Variants in ELAVL3 observed in about 807,000 individuals in gnomAD.
ELAVL3 encodes ELAV-like protein 3.
ELAVL3 carries 8 observed loss-of-function variants against 34.2 expected under a neutral mutation model. That is an observed-to-expected ratio of 0.23 (90% CI 0.14 to 0.42). The LOEUF (loss-of-function observed/expected upper bound fraction) is 0.42, where lower values mean the gene tolerates loss of function less well. ELAVL3 is among the 10% of genes least tolerant of loss of function. The pLI is 1.00. For synonymous variants in ELAVL3, 209 were observed against 222.1 expected (o/e 0.94, Z 0.53); for missense variants, 273 against 518.8 (o/e 0.53, Z 4.60).
chr19:11,458,564 C>A lies in ELAVL3; in HGVS notation c.381G>T (p.Leu127=). Residue 127 remains leucine, a synonymous_variant, in exon 4 of 7, where the codon CTG becomes CTT. Transcript: ENST00000359227. This position sits in a 1 kb window ranked among gnomAD's most constrained non-coding sequence, Gnocchi z 7.3. ...PSSASIRDAN[L]YVSGLPKTMS... ...TGGTCTTGGGGAGCCCGCTGACGTA[C>A]AGGTTAGCATCCCGGATGGATGCTG... The A allele has an allele frequency of 6.2e-7, 1 of 1,614,136 alleles. No homozygotes were observed. The highest frequency in any genetic ancestry group is 8.5e-7 in the Non-Finnish European group (1 of 1,180,034).
chr19:11,461,164 G>A (rs1970876017), intron 3 of ELAVL3, among the ~76,000 whole-genome samples: 1 of 151,660 alleles, frequency 6.6e-6, no homozygotes, highest in South Asian at 2.1e-4. Context: ...GGGCTACAGA[G>A]CAAGACCCTG....
In ELAVL3 at chr19:11,458,724, C is replaced by CT; in HGVS notation, c.334-114dup. ...GTTAGCAGAAGTGACCCATCCGTCA[C>CT]TCAATAAGTATCTCTAGAGTTGTCA... On this transcript the variant is annotated intron_variant, in intron 3 of 6. Coordinates refer to ENST00000359227, the MANE Select transcript of ELAVL3 (RefSeq NM_001420.4). The surrounding 1 kb of genome is among the most constrained non-coding windows in gnomAD (Gnocchi z 7.3). 2 of 1,385,874 alleles carry CT rather than the reference C, an allele frequency of 1.4e-6. No individual in the cohort carries two copies. Among genetic ancestry groups the CT allele is most frequent in the Non-Finnish European group, 2.0e-6 (2 of 1,009,636 alleles). 85.8% of individuals were successfully genotyped at this position (1,385,874 alleles called of 1,614,324 possible). A position where few individuals can be genotyped will look rare whatever the true frequency, so the allele number is the denominator to read the frequency against.
rs1248646565 is a variant in ELAVL3, at chr19:11,464,650, T to C, written c.333+1522A>G. 4.9e-3 allele frequency among the ~76,000 whole-genome samples: 261 copies of C among 53,630 alleles called. 3 individuals carry two copies. Among genetic ancestry groups the C allele is most frequent in the South Asian group, 0.023 (42 of 1,788 alleles). The allele number at this position is 53,630 out of a possible 152,430, so 35.2% of individuals were successfully genotyped here. On this transcript the variant is annotated intron_variant, in intron 3 of 6. Transcript: ENST00000359227. Reference sequence around the variant, plus strand: ...ACACCACACACACCACACATACACATACATGACACACACATACACACATCA... The same window carrying C: ...ACACCACACACACCACACATACACACACATGACACACACATACACACATCA...
intron 1 of ELAVL3, among the ~76,000 whole-genome samples, chr19:11,469,839 C>T (rs1376869356): frequency 2.0e-5 from 3 of 152,160 alleles, no homozygotes; most frequent in Non-Finnish European, 2.9e-5. Context: ...GGACGGATTG[C>T]TTGAGCTCAA....
chr19:11,464,588 C>T (rs1970971170), intron 3 of ELAVL3, among the ~76,000 whole-genome samples: 2 of 148,270 alleles, frequency 1.3e-5, no homozygotes, highest in Non-Finnish European at 3.0e-5. Context: ...ACCCCACACA[C>T]ACATACACAC....
intron 1 of ELAVL3, among the ~76,000 whole-genome samples, chr19:11,476,847 C>T (rs914271293): frequency 2.6e-5 from 4 of 151,620 alleles, no homozygotes; most frequent in Non-Finnish European, 4.4e-5. Flanking sequence ...TGCAGTGAGC[C>T]GAGATTTCAC....
intron 1 of ELAVL3, among the ~76,000 whole-genome samples, chr19:11,470,240 A>T (rs1375175921): frequency 6.6e-6 from 1 of 152,184 alleles, no homozygotes; most frequent in Admixed American, 6.6e-5. Context: ...CTGTAATCCC[A>T]GCTACTCGGG....
In ELAVL3 at chr19:11,454,271, G is replaced by A. The variant is rs1458208620; in HGVS notation, c.*255C>T. 1.2e-5 allele frequency: 6 copies of A among 484,604 alleles called. No individual in the cohort carries two copies. The highest frequency in any genetic ancestry group is 3.2e-5 in the East Asian group (1 of 31,094). 30.0% of individuals were successfully genotyped at this position (484,604 alleles called of 1,614,324 possible). A position where few individuals can be genotyped will look rare whatever the true frequency, so the allele number is the denominator to read the frequency against. ...CCTTCACCATGAACCAAACCAAGAC[G>A]AGAGAGTGAACAGCCCAGCCTGGGG... On this transcript the variant is annotated 3_prime_UTR_variant, in exon 7 of 7. Coordinates refer to ENST00000359227, the MANE Select transcript of ELAVL3 (RefSeq NM_001420.4). The surrounding 1 kb of genome is among the most constrained non-coding windows in gnomAD (Gnocchi z 9.2).
chr19:11,460,014 G>C (rs1191618716), intron 3 of ELAVL3, among the ~76,000 whole-genome samples: 3 of 151,928 alleles, frequency 2.0e-5, no homozygotes, highest in African/African-American at 7.3e-5. Flanking sequence ...CTGCACCCCT[G>C]GTGGCAACTG....
rs1443209488 is a variant in ELAVL3 at position 11,452,872 on chromosome 19, A to G, written c.*1654T>C. ...AAAGAAAGAAAACTAGGGCGATGCA[A>G]TGTCCAGACAGAAGCCGGGGGCCGG... On this transcript the variant is annotated 3_prime_UTR_variant, in exon 7 of 7. Coordinates refer to ENST00000359227, the MANE Select transcript of ELAVL3 (RefSeq NM_001420.4). 1 of 152,036 alleles carries G rather than the reference A, an allele frequency of 6.6e-6. No homozygotes were observed. Among genetic ancestry groups the G allele is most frequent in the Non-Finnish European group, 1.5e-5 (1 of 68,002 alleles). 9.4% of individuals were successfully genotyped at this position (152,036 alleles called of 1,614,324 possible). A position where few individuals can be genotyped will look rare whatever the true frequency, so the allele number is the denominator to read the frequency against.
chr19:11,458,016 T>C lies in ELAVL3; in HGVS notation c.713+45A>G, dbSNP rs1036902080. On this transcript the variant is annotated intron_variant, in intron 5 of 6. Coordinates refer to ENST00000359227, the MANE Select transcript of ELAVL3 (RefSeq NM_001420.4). The surrounding 1 kb of genome is among the most constrained non-coding windows in gnomAD (Gnocchi z 7.3). ...ATGGGGTTCAGGGAGGGTTGCAAGC[T>C]TGGGGGCACCCGGCCTGGGGCCATC... 6.3e-7 allele frequency: 1 copy of C among 1,587,430 alleles called. No homozygotes were observed. Among genetic ancestry groups the C allele is most frequent in the Non-Finnish European group, 8.6e-7 (1 of 1,165,896 alleles).
Position 11,453,552 on chromosome 19 carries a change from G to A in ELAVL3, c.*974C>T, listed in dbSNP as rs1020953747. 6.5e-6 allele frequency: 1 copy of A among 152,778 alleles called. No individual in the cohort carries two copies. Among genetic ancestry groups the A allele is most frequent in the African/African-American group, 2.4e-5 (1 of 41,462 alleles). The allele number at this position is 152,778 out of a possible 1,614,324, so 9.5% of individuals were successfully genotyped here. A position where few individuals can be genotyped will look rare whatever the true frequency, so the allele number is the denominator to read the frequency against. ...TGCACGTGGACAGGTGGATGGATTC[G>A]TGTGCCCACATCTGTGGTCTGTGTC... On this transcript the variant is annotated 3_prime_UTR_variant, in exon 7 of 7. Transcript: ENST00000359227.
intron 3 of ELAVL3, among the ~76,000 whole-genome samples, chr19:11,464,147 C>CTATATA (rs1157072664): frequency 9.6e-6 from 1 of 104,102 alleles, no homozygotes; most frequent in African/African-American, 5.6e-5. Flanking sequence ...CTCTCTCTCT[C>CTATATA]TCTCTATATA....
At chr19:11,461,009 CAAAAAAAAAAA>C (rs535847241) in intron 3 of ELAVL3, among the ~76,000 whole-genome samples, 1 of 89,798 alleles carries the variant, frequency 1.1e-5, no homozygotes, top group Non-Finnish European at 2.8e-5. Context: ...ACAACCTCTA[CAAAAAAAAAAA>C]AAAAAAAAAT....
intron 1 of ELAVL3, among the ~76,000 whole-genome samples, chr19:11,473,041 T>C (rs7259600): frequency 0.097 from 14,656 of 151,024 alleles, 2,410 homozygotes; most frequent in African/African-American, 0.34. Flanking sequence ...CACTCCAGCC[T>C]GGGTGACAGA....
intron 1 of ELAVL3, among the ~76,000 whole-genome samples, chr19:11,468,675 T>C (rs167480): frequency 0.22 from 32,769 of 151,658 alleles, 6,810 homozygotes; most frequent in African/African-American, 0.55. Flanking sequence ...ATCTGCCTGC[T>C]TCAGCCTGCC....
At position 11,458,334 on chromosome 19, in the gene ELAVL3, T is replaced by C. The variant is rs1970813442; in HGVS notation, c.488-48A>G. The C allele has an allele frequency of 1.9e-6, 3 of 1,608,318 alleles. No homozygotes were observed. The highest frequency in any genetic ancestry group is 2.5e-6 in the Non-Finnish European group (3 of 1,176,696). ...ATCACGACGACCCTGTCCCCTCCTG[T>C]GTAACCCCACTTCTCCCTTCCCTGC... On this transcript the variant is annotated intron_variant, in intron 4 of 6. Transcript: ENST00000359227. This position sits in a 1 kb window ranked among gnomAD's most constrained non-coding sequence, Gnocchi z 7.3.
chr19:11,473,179 C>T (rs955366046), intron 1 of ELAVL3, among the ~76,000 whole-genome samples: 2 of 152,006 alleles, frequency 1.3e-5, no homozygotes, highest in Non-Finnish European at 2.9e-5. Flanking sequence ...TCCTGGCTAA[C>T]ACGGCGAAAC....
intron 1 of ELAVL3, among the ~76,000 whole-genome samples, chr19:11,470,784 C>T (rs1160529428): frequency 6.6e-6 from 1 of 152,162 alleles, no homozygotes; most frequent in African/African-American, 2.4e-5. Flanking sequence ...AGTCACATAG[C>T]CTATCTGCTC....
Sources: allele counts gnomAD v4.1 joint callset (sites outside exome capture counted in the v4.1 genomes callset), GRCh38; gene constraint gnomAD v4.1.1; non-coding constraint Gnocchi (gnomAD v3.1); transcripts MANE v1.5; gene names NCBI Gene and HGNC (gene_info 2026-07-23, HGNC 2026-07-21).